GAGE1: variants seen among roughly 807,000 people sequenced by gnomAD.
GAGE1 encodes G antigen 4.
GAGE1 carries 5 observed loss-of-function variants against 5.0 expected under a neutral mutation model. That is an observed-to-expected ratio of 1.00 (90% CI 0.52 to 2.11). The LOEUF is 2.11. Ranked by LOEUF, GAGE1 falls within the 30% of genes most tolerant of loss-of-function variation. GAGE1 has a pLI of 0.01. For synonymous variants in GAGE1, 6 were observed against 14.8 expected, an observed-to-expected ratio of 0.40 and a Z score of 1.37; for missense variants, 9 against 38.9, an observed-to-expected ratio of 0.23 and a Z score of 2.04.
At chrX:49,605,379 A>G (rs1187928295) in intron 4 of GAGE1, among the ~76,000 whole-genome samples, 2 of 112,517 alleles carry the variant, frequency 1.8e-5, no homozygotes, top group African/African-American at 6.5e-5. Flanking sequence ...CAACTGAAGT[A>G]TATTTCACAC....
rs781933696 is a variant in GAGE1, at chrX:49,605,381, A to G, written c.332-612A>G. On this transcript the variant is annotated intron_variant, in intron 4 of 4. Coordinates refer to ENST00000381700, the MANE Select transcript of GAGE1 (RefSeq NM_001040663.4). ...CTTCCTGAGTAATCAACTGAAGTAT[A>G]TTTCACACATGTGTTTTCCAAATTG... Among the ~76,000 whole-genome samples the G allele has an allele frequency of 3.3e-3, 370 of 112,473 alleles. 2 individuals are homozygous for G. Among genetic ancestry groups the G allele is most frequent in the African/African-American group, 0.011 (349 of 30,969 alleles).
Position 49,606,925 on chromosome X carries a change from T to C in GAGE1, c.*910T>C, listed in dbSNP as rs1455946436. 1 of 112,126 alleles carries C rather than the reference T, an allele frequency of 8.9e-6. No homozygotes were observed. The highest frequency in any genetic ancestry group is 9.5e-5 in the Admixed American group (1 of 10,545). The allele number at this position is 112,126 out of a possible 1,213,427, so 9.2% of individuals were successfully genotyped here. ...CTATTGTGATTACCACAGGGTTTTT[T>C]CCCCCAGTAATCTGTTTATGTAGTC... On this transcript the variant is annotated 3_prime_UTR_variant, in exon 5 of 5. Transcript: ENST00000381700.
chrX:49,603,947 G>T (rs1178841770), intron 4 of GAGE1, among the ~76,000 whole-genome samples, 154 bp downstream of exon 4: 1 of 113,417 alleles, frequency 8.8e-6, no homozygotes, highest in Admixed American at 9.2e-5. Flanking sequence ...CTGTCTCCAG[G>T]GTTCAAGTGA....
At position 49,607,776 on chromosome X, in the gene GAGE1, T is replaced by C. The variant is rs1179622639; in HGVS notation, c.*1761T>C. The C allele has an allele frequency of 2.7e-5, 3 of 111,892 alleles. No homozygotes were observed. Among genetic ancestry groups the C allele is most frequent in the Admixed American group, 1.9e-4 (2 of 10,422 alleles). The allele number at this position is 111,892 out of a possible 1,213,427, so 9.2% of individuals were successfully genotyped here. A position where few individuals can be genotyped will look rare whatever the true frequency, so the allele number is the denominator to read the frequency against. ...TGGCTGAGAATGGGCTGACTGACCC[T>C]AGATCTGTGTATAATTATGACAATG... On this transcript the variant is annotated 3_prime_UTR_variant, in exon 5 of 5. Transcript: ENST00000381700.
At chrX:49,605,176 A>T (rs1335459553) in intron 4 of GAGE1, 10 of 973,401 alleles carry the variant, frequency 1.0e-5, no homozygotes, top group Non-Finnish European at 1.3e-5. Context: ...TGTGAGTAAG[A>T]TGCCTGTGCT....
rs4824477 is a variant in GAGE1 at position 49,603,998 on chromosome X, G to A, written c.331+205G>A. On this transcript the variant is annotated intron_variant, in intron 4 of 4. Coordinates refer to ENST00000381700, the MANE Select transcript of GAGE1 (RefSeq NM_001040663.4). ...CTCTGGCGGAGCCGGGGTTACAGGC[G>A]TGCTCCGCCGTGCCCAGCTAATTGT... Among the ~76,000 whole-genome samples, 312 of 112,346 alleles carry A rather than the reference G, an allele frequency of 2.8e-3. 6 individuals are homozygous for A. In the East Asian group the frequency reaches 0.072, roughly 26 times the overall value.
intron 4 of GAGE1, among the ~76,000 whole-genome samples, chrX:49,604,711 G>T (rs1177431339): frequency 1.8e-5 from 2 of 112,349 alleles, no homozygotes; most frequent in African/African-American, 6.5e-5. Context: ...TTGTTAGTAA[G>T]AAAGTGAGGG....
chrX:49,602,086 G>A (rs1557130929), intron 3 of GAGE1, among the ~76,000 whole-genome samples: 2 of 110,050 alleles, frequency 1.8e-5, no homozygotes, highest in African/African-American at 6.7e-5. Context: ...CGAGGTGAGA[G>A]GATTGCTTGA....
At chrX:49,605,266 A>T (rs1557131988) in intron 4 of GAGE1, 32 of 584,291 alleles carry the variant, frequency 5.5e-5, no homozygotes, top group Non-Finnish European at 7.0e-5. Context: ...TGATATAATC[A>T]TCTCTAATCA....
chrX:49,604,437 C>G (rs1375529037), intron 4 of GAGE1, among the ~76,000 whole-genome samples: 1 of 112,551 alleles, frequency 8.9e-6, no homozygotes, highest in African/African-American at 3.2e-5. Flanking sequence ...CTGAAGCACT[C>G]ATGCGGGTTC....
At chrX:49,605,224 C>T (rs1195345751) in intron 4 of GAGE1, 4 of 710,392 alleles carry the variant, frequency 5.6e-6, no homozygotes, top group East Asian at 7.0e-5. Context: ...CTTGATGAGC[C>T]ACTATTTCTA....
At chrX:49,604,130 G>A (rs2066634446) in intron 4 of GAGE1, among the ~76,000 whole-genome samples, 1 of 112,817 alleles carries the variant, frequency 8.9e-6, no homozygotes, top group Non-Finnish European at 1.9e-5. Flanking sequence ...CGGGATTACA[G>A]GCGAGAGCCA....
chrX:49,606,304 A>C lies in GAGE1; in HGVS notation c.*289A>C, dbSNP rs782756708. On this transcript the variant is annotated 3_prime_UTR_variant, in exon 5 of 5. Transcript: ENST00000381700. Reference sequence around the variant, plus strand: ...TTACTTCTAGGTTTTTTCAGTTTTCAACCTACAGAATCATATCATTTTTGA... The same window carrying C: ...TTACTTCTAGGTTTTTTCAGTTTTCCACCTACAGAATCATATCATTTTTGA... 45 of 161,251 alleles carry C rather than the reference A, an allele frequency of 2.8e-4. No homozygotes were observed. The highest frequency in any genetic ancestry group is 1.3e-3 in the African/African-American group (42 of 32,692). The allele number at this position is 161,251 out of a possible 1,213,427, so 13.3% of individuals were successfully genotyped here. A position where few individuals can be genotyped will look rare whatever the true frequency, so the allele number is the denominator to read the frequency against.
rs2066669438 is a variant in GAGE1 at position 49,608,231 on chromosome X, C to G, written c.*2216C>G. ...CTAGGGCCTCCTACCCCGCATTTCC[C>G]CTGCTTTTTCTCTTGTTCTGACTGA... On this transcript the variant is annotated 3_prime_UTR_variant, in exon 5 of 5. Transcript: ENST00000381700. 1 of 111,639 alleles carries G rather than the reference C, an allele frequency of 9.0e-6. No homozygotes were observed. The highest frequency in any genetic ancestry group is 3.3e-5 in the African/African-American group (1 of 30,730). The allele number at this position is 111,639 out of a possible 1,213,427, so 9.2% of individuals were successfully genotyped here.
At chrX:49,604,220 G>T (rs782394633) in intron 4 of GAGE1, among the ~76,000 whole-genome samples, 17 of 112,531 alleles carry the variant, frequency 1.5e-4, no homozygotes, top group Non-Finnish European at 2.1e-4. Context: ...CTTATATAAA[G>T]GTTATTTGAA....
chrX:49,607,380 T>A lies in GAGE1; in HGVS notation c.*1365T>A, dbSNP rs2066665015. ...TGACATTACCTGTACTTTTATTTCA[T>A]ATGCTCATTTGTTGGACGTTGTTAT... On this transcript the variant is annotated 3_prime_UTR_variant, in exon 5 of 5. Coordinates refer to ENST00000381700, the MANE Select transcript of GAGE1 (RefSeq NM_001040663.4). 8.9e-6 allele frequency: 1 copy of A among 112,131 alleles called. No homozygotes were observed. Among genetic ancestry groups the A allele is most frequent in the Non-Finnish European group, 1.9e-5 (1 of 53,255 alleles). The allele number at this position is 112,131 out of a possible 1,213,427, so 9.2% of individuals were successfully genotyped here.
intron 3 of GAGE1, among the ~76,000 whole-genome samples, chrX:49,602,356 T>G (rs1392591961): frequency 1.2e-5 from 1 of 82,908 alleles, no homozygotes; most frequent in Non-Finnish European, 2.8e-5. Flanking sequence ...GGAAATTCCT[T>G]TCTTCCTAAA....
intron 4 of GAGE1, chrX:49,605,078 A>T: frequency 9.8e-7 from 1 of 1,021,844 alleles, no homozygotes; most frequent in South Asian, 1.8e-5. Flanking sequence ...TTCCCCACGG[A>T]AACCTTGAGT....
intron 4 of GAGE1, among the ~76,000 whole-genome samples, chrX:49,604,676 T>G: frequency 8.9e-6 from 1 of 112,649 alleles, no homozygotes; most frequent in African/African-American, 3.2e-5. Flanking sequence ...CCGAGTCATC[T>G]GAAAATCTCT....
Sources: allele counts gnomAD v4.1 joint callset (sites outside exome capture counted in the v4.1 genomes callset), GRCh38; gene constraint gnomAD v4.1.1; transcripts MANE v1.5; gene names NCBI Gene and HGNC (gene_info 2026-07-23, HGNC 2026-07-21).